SENP6: variants seen among roughly 807,000 people sequenced by gnomAD.
SENP6 encodes the protein sentrin-specific protease 6.
Under a neutral mutation model 134.5 loss-of-function variants are expected in SENP6, and 41 were observed. That is an observed-to-expected ratio of 0.30 (90% CI 0.24 to 0.40). SENP6 has a LOEUF of 0.40. Among genes scored for constraint, SENP6 ranks in the 10% least tolerant of loss-of-function variants. SENP6 has a pLI of 1.00. For missense variants in SENP6, 1,248 were observed against 1,312.5 expected, an observed-to-expected ratio of 0.95 and a Z score of 0.76; for synonymous variants, 395 against 429.8, an observed-to-expected ratio of 0.92 and a Z score of 1.00.
chr6:75,614,023 G>A (rs1445495762), intron 1 of SENP6, among the ~76,000 whole-genome samples: 3 of 152,146 alleles, frequency 2.0e-5, no homozygotes, highest in African/African-American at 7.2e-5. Flanking sequence ...TAAGAAAACA[G>A]GGTGGTTATT....
intron 3 of SENP6, among the ~76,000 whole-genome samples, chr6:75,631,210 T>G (rs1769090789): frequency 6.6e-6 from 1 of 152,172 alleles, no homozygotes; most frequent in Non-Finnish European, 1.5e-5. Flanking sequence ...TAGGTTCTCT[T>G]ATTATCTGAT....
intron 7 of SENP6, among the ~76,000 whole-genome samples, chr6:75,656,469 G>T (rs891076287): frequency 2.0e-5 from 3 of 152,086 alleles, no homozygotes; most frequent in African/African-American, 7.2e-5. Context: ...ACTTCCACAG[G>T]CCACTTACTA....
In SENP6 at chr6:75,602,141, G is replaced by A. The variant is rs1766668017; in HGVS notation, c.-384G>A. Reference sequence around the variant, plus strand: ...CGAAGGGAGGCGTGTTTGTGTGCTCGCTTTCATTCTCCTTTCTTGGGAACC... The same window carrying A: ...CGAAGGGAGGCGTGTTTGTGTGCTCACTTTCATTCTCCTTTCTTGGGAACC... On this transcript the variant is annotated 5_prime_UTR_variant, in exon 1 of 24. Coordinates refer to ENST00000447266, the MANE Select transcript of SENP6 (RefSeq NM_015571.4). 5.5e-6 allele frequency: 1 copy of A among 181,494 alleles called. No individual in the cohort carries two copies. 11.2% of individuals were successfully genotyped at this position (181,494 alleles called of 1,614,324 possible).
intron 7 of SENP6, among the ~76,000 whole-genome samples, chr6:75,654,478 C>A (rs1336556318): frequency 6.6e-6 from 1 of 152,082 alleles, no homozygotes; most frequent in African/African-American, 2.4e-5. Flanking sequence ...TTTACAAAAT[C>A]CTGTATGCCA....
At chr6:75,624,397 G>T in intron 3 of SENP6, among the ~76,000 whole-genome samples, 1 of 151,598 alleles carries the variant, frequency 6.6e-6, no homozygotes, top group African/African-American at 2.4e-5. Flanking sequence ...TTCTATATGG[G>T]TTATTTTGCA....
chr6:75,625,856 G>C (rs60153843), intron 3 of SENP6, among the ~76,000 whole-genome samples: 1 of 152,122 alleles, frequency 6.6e-6, no homozygotes, highest in East Asian at 1.9e-4. Flanking sequence ...GTGACAGAGC[G>C]AGACTCAGTC....
intron 1 of SENP6, chr6:75,611,531 A>G (rs529821560): frequency 1.3e-5 from 2 of 152,266 alleles, no homozygotes; most frequent in East Asian, 3.9e-4. Context: ...TGTTTCTCAA[A>G]TTTCATTGGT....
chr6:75,640,170 T>G (rs1391267580), intron 5 of SENP6, among the ~76,000 whole-genome samples: 1 of 152,180 alleles, frequency 6.6e-6, no homozygotes, highest in Admixed American at 6.6e-5. Flanking sequence ...AGCAACACTC[T>G]CGGGCATATA....
chr6:75,675,918 A>C lies in SENP6; in HGVS notation c.1485A>C (p.Glu495Asp), dbSNP rs759527952. Reference protein sequence around the residue: ...ILNTSDLTKCEWCNVRKLPVV... With the variant: ...ILNTSDLTKCDWCNVRKLPVV... ...ATACCTCTGATCTAACTAAATGTGA[A>C]TGGTGTAATGTCCGAAAATTACCTG... The change falls in exon 13 of 24, where the codon GAA becomes GAC. Residue 495 changes from glutamate (E) to aspartate (D), a missense_variant. Glu to Asp is a conservative substitution (Grantham distance 45, BLOSUM62 2). This residue lies in a region of SENP6 where 733 missense variants were observed against 725.4 expected (regional missense o/e 1.01). Transcript: ENST00000447266. 6.2e-7 allele frequency: 1 copy of C among 1,611,780 alleles called. No individual in the cohort carries two copies. Among genetic ancestry groups the C allele is most frequent in the South Asian group, 1.1e-5 (1 of 90,698 alleles).
rs573057877 is a variant in SENP6 at position 75,634,640 on chromosome 6, A to AT, written c.354-59dup. 6.7e-5 allele frequency: 58 copies of AT among 867,274 alleles called. 1 individual carries two copies. Among genetic ancestry groups the AT allele is most frequent in the Admixed American group, 2.7e-4 (9 of 33,208 alleles). The allele number at this position is 867,274 out of a possible 1,614,324, so 53.7% of individuals were successfully genotyped here. On this transcript the variant is annotated intron_variant, in intron 4 of 23. Coordinates refer to ENST00000447266, the MANE Select transcript of SENP6 (RefSeq NM_015571.4). ...TGTGTGTTTGTTCAGATTTTAAAAG[A>AT]TTTTTTTTATAAATGTGTATATAAT...
chr6:75,693,736 G>T (rs1391559140), intron 16 of SENP6, among the ~76,000 whole-genome samples: 1 of 152,146 alleles, frequency 6.6e-6, no homozygotes, highest in Admixed American at 6.5e-5. Flanking sequence ...CCTCTAGGGG[G>T]CCAGATGTTT....
At chr6:75,612,477 T>G (rs1050864686) in intron 1 of SENP6, among the ~76,000 whole-genome samples, 1 of 152,098 alleles carries the variant, frequency 6.6e-6, no homozygotes, top group Non-Finnish European at 1.5e-5. Flanking sequence ...GACTACAGGC[T>G]TGTGCCACCA....
At chr6:75,654,252 A>AC (rs1387680528) in intron 7 of SENP6, among the ~76,000 whole-genome samples, 1 of 152,192 alleles carries the variant, frequency 6.6e-6, no homozygotes, top group African/African-American at 2.4e-5. Flanking sequence ...ACAAAGCAAA[A>AC]CATAAGTAAA....
chr6:75,681,669 A>C (rs1004370627), intron 16 of SENP6, among the ~76,000 whole-genome samples: 1 of 152,114 alleles, frequency 6.6e-6, no homozygotes, highest in East Asian at 1.9e-4. Flanking sequence ...GGACTGATAC[A>C]GCATCCATCA....
chr6:75,670,200 G>A (rs1772560252), intron 10 of SENP6, among the ~76,000 whole-genome samples: 1 of 152,130 alleles, frequency 6.6e-6, no homozygotes, highest in Admixed American at 6.5e-5. Flanking sequence ...GCCCATCTCG[G>A]CCTCCCAAAG....
chr6:75,706,871 A>C (rs542571657), intron 19 of SENP6, among the ~76,000 whole-genome samples: 1 of 152,308 alleles, frequency 6.6e-6, no homozygotes, highest in South Asian at 2.1e-4. Context: ...CACTACTTTC[A>C]CTTGCTGTTT....
chr6:75,629,595 C>T (rs866254815), intron 3 of SENP6, among the ~76,000 whole-genome samples: 6 of 152,262 alleles, frequency 3.9e-5, no homozygotes, highest in South Asian at 2.1e-4. Context: ...CCACCATGCC[C>T]AGCCAGATTG....
chr6:75,623,947 C>T lies in SENP6; in HGVS notation c.194C>T (p.Ser65Leu), dbSNP rs1768469819. The T allele has an allele frequency of 9.3e-6, 15 of 1,606,652 alleles. No individual in the cohort carries two copies. Among genetic ancestry groups the T allele is most frequent in the Non-Finnish European group, 1.3e-5 (15 of 1,176,482 alleles). Reference sequence around the variant, plus strand: ...GATGAAGATGAGGATTCTGAAACCTCAAAAGGAAAAAAGGCAAGTGTTGCT... The same window carrying T: ...GATGAAGATGAGGATTCTGAAACCTTAAAAGGAAAAAAGGCAAGTGTTGCT... ...SVDEDEDSET[S>L]KGKKLNRRSE... Residue 65 changes from serine to leucine, a missense_variant, in exon 3 of 24, where the codon TCA becomes TTA. By Grantham distance (145) the Ser-to-Leu change is moderately radical (BLOSUM62 -2). Transcript: ENST00000447266.
chr6:75,666,781 C>G lies in SENP6; in HGVS notation c.1064C>G (p.Pro355Arg), dbSNP rs767739263. ...TNRRESISPQ[P>R]ADSACSSPAP... ...AGAAGAGAAAGCATATCTCCTCAGC[C>G]TGCTGATTCAGCATGTTCTTCCCCT... Residue 355 changes from proline to arginine, a missense_variant, in exon 10 of 24, where the codon CCT becomes CGT. Physicochemically the swap from Pro to Arg is moderately radical, Grantham distance 103. Around this residue, in one of 3 missense-constraint regions of SENP6, gnomAD observed 733 missense variants for 725.4 expected, o/e 1.01. Coordinates refer to ENST00000447266, the MANE Select transcript of SENP6 (RefSeq NM_015571.4). 1 of 1,612,816 alleles carries G rather than the reference C, an allele frequency of 6.2e-7. No individual in the cohort carries two copies. The highest frequency in any genetic ancestry group is 8.5e-7 in the Non-Finnish European group (1 of 1,179,078).
Sources: allele counts gnomAD v4.1 joint callset (sites outside exome capture counted in the v4.1 genomes callset), GRCh38; gene constraint gnomAD v4.1.1; regional missense constraint gnomAD v4.1.1; transcripts MANE v1.5; gene names NCBI Gene and HGNC (gene_info 2026-07-23, HGNC 2026-07-21).